Variants in KIF5B observed in about 807,000 individuals in gnomAD.
KIF5B encodes the protein kinesin family member 5B.
KIF5B carries 49 observed loss-of-function variants against 132.8 expected under a neutral mutation model. The observed-to-expected ratio is 0.37, with a 90% CI of 0.29 to 0.47. KIF5B has a LOEUF of 0.47. KIF5B is among the 20% of genes least tolerant of loss of function. KIF5B has a pLI of 1.00. For missense variants in KIF5B, 780 were observed against 1,144.0 expected (o/e 0.68, Z 4.59); for synonymous variants, 355 against 369.4 (o/e 0.96, Z 0.45).
chr10:32,011,801 G>A (rs1408489891), intron 25 of KIF5B, among the ~76,000 whole-genome samples: 1 of 151,986 alleles, frequency 6.6e-6, no homozygotes, highest in African/African-American at 2.4e-5. Flanking sequence ...TGGGTAAGCT[G>A]ATTTATGAAT....
intron 1 of KIF5B, among the ~76,000 whole-genome samples, chr10:32,049,171 T>A (rs1000470413): frequency 1.3e-5 from 2 of 152,234 alleles, no homozygotes; most frequent in Admixed American, 1.3e-4. Context: ...CAAATACTTA[T>A]GGAATGTGAG....
In KIF5B at chr10:32,038,311, G is replaced by C; in HGVS notation, c.443-93C>G. The C allele has an allele frequency of 3.6e-6, 3 of 835,904 alleles. 1 individual carries two copies. The highest frequency in any genetic ancestry group is 6.0e-6 in the Non-Finnish European group (3 of 501,486). 51.8% of individuals were successfully genotyped at this position (835,904 alleles called of 1,614,324 possible). Reference sequence around the variant, plus strand: ...ATAGGCTTTCCTGAGCAGCCTAACAGCAATAGTTGAACTCTAAAAACATAT... The same window carrying C: ...ATAGGCTTTCCTGAGCAGCCTAACACCAATAGTTGAACTCTAAAAACATAT... On this transcript the variant is annotated intron_variant, in intron 5 of 25. Transcript: ENST00000302418.
chr10:32,044,196 C>A (rs1469925306), intron 2 of KIF5B, among the ~76,000 whole-genome samples: 4 of 152,190 alleles, frequency 2.6e-5, no homozygotes, highest in Admixed American at 2.6e-4. Context: ...AAAAGGAAAT[C>A]ATCGCCAGGT....
chr10:32,022,760 A>G (rs949232793), intron 16 of KIF5B, 88 bp downstream of exon 16: 1 of 932,820 alleles, frequency 1.1e-6, no homozygotes, highest in Non-Finnish European at 1.6e-6. Context: ...TCACCTATAG[A>G]CACACATTTT....
At chr10:32,015,427 G>T in intron 25 of KIF5B, 82 bp downstream of exon 25, 1 of 1,048,114 alleles carries the variant, frequency 9.5e-7, no homozygotes, top group Non-Finnish European at 1.4e-6. Flanking sequence ...ACACTAATGT[G>T]AGAATTTTTT....
Position 32,023,245 on chromosome 10 carries a change from G to A in KIF5B, c.1726-209C>T, listed in dbSNP as rs138337970. Among the ~76,000 whole-genome samples the A allele has an allele frequency of 7.6e-3, 1,151 of 152,088 alleles. 12 individuals carry two copies. The highest frequency in any genetic ancestry group is 0.034 in the Middle Eastern group (10 of 294). On this transcript the variant is annotated intron_variant, in intron 15 of 25. Transcript: ENST00000302418. ...TTTTGCCTTCCTTTTTTTAAAAACT[G>A]AGAATAATGTTAATACATGCCAACA... is the stretch of plus-strand genomic sequence containing the variant.
intron 16 of KIF5B, 81 bp downstream of exon 16, chr10:32,022,767 T>G: frequency 9.5e-7 from 1 of 1,055,816 alleles, no homozygotes; most frequent in Non-Finnish European, 1.4e-6. Context: ...TAGACACACA[T>G]TTTTCTGAAA....
intron 25 of KIF5B, among the ~76,000 whole-genome samples, chr10:32,012,844 G>A (rs1257347365): frequency 1.3e-5 from 2 of 151,726 alleles, no homozygotes; most frequent in Non-Finnish European, 2.9e-5. Context: ...AGAAAGGTAG[G>A]AAAAGGCTTG....
intron 19 of KIF5B, among the ~76,000 whole-genome samples, chr10:32,020,530 C>T (rs145606707): frequency 2.4e-3 from 369 of 152,240 alleles, no homozygotes; most frequent in African/African-American, 8.5e-3. Context: ...AAGCAATCCT[C>T]GTGCCACAGC....
At chr10:32,024,469 C>G (rs1841308837) in intron 15 of KIF5B, among the ~76,000 whole-genome samples, 1 of 148,810 alleles carries the variant, frequency 6.7e-6, no homozygotes, top group South Asian at 2.3e-4. Flanking sequence ...ACTCTTAAAA[C>G]TCAACAATAG....
intron 2 of KIF5B, among the ~76,000 whole-genome samples, chr10:32,043,865 T>A (rs963789244): frequency 1.3e-5 from 2 of 152,178 alleles, no homozygotes; most frequent in Admixed American, 1.3e-4. Context: ...ACTGGCAACT[T>A]GCTCATCAAA....
chr10:32,052,351 ACACCAAATCATT>A (rs1365775197), intron 1 of KIF5B, among the ~76,000 whole-genome samples: 1 of 152,230 alleles, frequency 6.6e-6, no homozygotes, highest in Non-Finnish European at 1.5e-5. Flanking sequence ...GAAGGTTCAA[ACACCAAATCATT>A]CACTTGAAAA....
chr10:32,034,048 G>A lies in KIF5B; in HGVS notation c.1112-10C>T. Reference sequence around the variant, plus strand: ...ATAGGCACCGTCTCCCCTAAAATAAGAAAATAAAGTGGTTAATAAAAAAAC... The same window carrying A: ...ATAGGCACCGTCTCCCCTAAAATAAAAAAATAAAGTGGTTAATAAAAAAAC... On this transcript the variant is annotated splice_polypyrimidine_tract_variant and intron_variant, in intron 11 of 25. Coordinates refer to ENST00000302418, the MANE Select transcript of KIF5B (RefSeq NM_004521.3). The A allele has an allele frequency of 1.3e-6, 2 of 1,484,278 alleles. No homozygotes were observed. Among genetic ancestry groups the A allele is most frequent in the Non-Finnish European group, 1.8e-6 (2 of 1,112,276 alleles). 91.9% of individuals were successfully genotyped at this position (1,484,278 alleles called of 1,614,324 possible). A position where few individuals can be genotyped will look rare whatever the true frequency, so the allele number is the denominator to read the frequency against.
chr10:32,038,154 T>C lies in KIF5B; in HGVS notation c.498+9A>G. Reference sequence around the variant, plus strand: ...TACAGGGTTTTCTAGACAACTGTACTATAAATACCTTTACATAGGGAACTC... The same window carrying C: ...TACAGGGTTTTCTAGACAACTGTACCATAAATACCTTTACATAGGGAACTC... On this transcript the variant is annotated intron_variant, in intron 6 of 25. Coordinates refer to ENST00000302418, the MANE Select transcript of KIF5B (RefSeq NM_004521.3). The C allele has an allele frequency of 2.0e-6, 3 of 1,536,784 alleles. No individual in the cohort carries two copies. The highest frequency in any genetic ancestry group is 2.7e-6 in the Non-Finnish European group (3 of 1,116,982).
At chr10:32,054,386 G>A (rs1841728267) in intron 1 of KIF5B, among the ~76,000 whole-genome samples, 1 of 152,214 alleles carries the variant, frequency 6.6e-6, no homozygotes, top group Non-Finnish European at 1.5e-5. Context: ...GAACTCGCCT[G>A]ACAGTCTTTA....
intron 1 of KIF5B, among the ~76,000 whole-genome samples, chr10:32,055,361 G>A (rs1439781586): frequency 6.6e-6 from 1 of 152,126 alleles, no homozygotes; most frequent in Non-Finnish European, 1.5e-5. Context: ...TACGGTTCAA[G>A]GACTGGTTAT....
In KIF5B at chr10:32,056,200, T is replaced by TGGCGGCGGCAGC. The variant is rs546021057; in HGVS notation, c.-239_-228dup. The TGGCGGCGGCAGC allele has an allele frequency of 8.5e-5, 42 of 496,632 alleles. No homozygotes were observed. The highest frequency in any genetic ancestry group is 2.9e-4 in the Admixed American group (7 of 23,984). The allele number at this position is 496,632 out of a possible 1,614,324, so 30.8% of individuals were successfully genotyped here. ...CACTTCCGATCCATCATGGCAGCCATGGCGGCGGCAGCGGCGGCGGCACCG... is the reference window on the plus strand; with the variant it reads ...CACTTCCGATCCATCATGGCAGCCATGGCGGCGGCAGCGGCGGCGGCAGCGGCGGCGGCACCG... On this transcript the variant is annotated 5_prime_UTR_variant, in exon 1 of 26. Coordinates refer to ENST00000302418, the MANE Select transcript of KIF5B (RefSeq NM_004521.3).
intron 25 of KIF5B, among the ~76,000 whole-genome samples, chr10:32,014,766 T>G (rs1002514898): frequency 6.6e-6 from 1 of 152,226 alleles, no homozygotes; most frequent in Admixed American, 6.5e-5. Flanking sequence ...ATGTTCATAT[T>G]TCCTTGTAAT....
At chr10:32,050,981 A>G (rs1841687129) in intron 1 of KIF5B, among the ~76,000 whole-genome samples, 1 of 152,220 alleles carries the variant, frequency 6.6e-6, no homozygotes, top group African/African-American at 2.4e-5. Flanking sequence ...GCAGACATTC[A>G]TTTAGTGACT....
Sources: allele counts gnomAD v4.1 joint callset (sites outside exome capture counted in the v4.1 genomes callset), GRCh38; gene constraint gnomAD v4.1.1; transcripts MANE v1.5; gene names NCBI Gene and HGNC (gene_info 2026-07-23, HGNC 2026-07-21).